AGMO: variants seen among roughly 807,000 people sequenced by gnomAD.
AGMO encodes the protein alkylglycerol monooxygenase, also known as glyceryl-ether monooxygenase.
In AGMO, 75 loss-of-function variants were observed where a neutral mutation model predicts 60.2. The ratio of observed to expected loss-of-function variants is 1.25; its 90% CI spans 1.03 to 1.51. The LOEUF is 1.51. Ranked by LOEUF, AGMO falls within the 40% of genes most tolerant of loss-of-function variation. The probability of loss-of-function intolerance (pLI) is 0.00; values close to 1 mark genes in which losing one functional copy is unlikely to be tolerated. For missense variants in AGMO, 763 were observed against 525.5 expected (o/e 1.45, Z -4.42); for synonymous variants, 261 against 177.1 (o/e 1.47, Z -3.76).
At chr7:15,304,988 A>C (rs919322072) in intron 12 of AGMO, among the ~76,000 whole-genome samples, 1 of 152,024 alleles carries the variant, frequency 6.6e-6, no homozygotes, top group African/African-American at 2.4e-5. Context: ...GCCATCTCAA[A>C]GCAGGATGAG....
Position 15,292,926 on chromosome 7 carries a change from T to G in AGMO, c.1263+72588A>C, listed in dbSNP as rs184545171. Reference sequence around the variant, plus strand: ...GCACCCGCCACCAAATCCAGCTAATTTTTTTTTTGTATTTTTGGTAGAGAT... The same window carrying G: ...GCACCCGCCACCAAATCCAGCTAATGTTTTTTTTGTATTTTTGGTAGAGAT... On this transcript the variant is annotated intron_variant, in intron 12 of 12. Coordinates refer to ENST00000342526, the MANE Select transcript of AGMO (RefSeq NM_001004320.2). 2.3e-3 allele frequency among the ~76,000 whole-genome samples: 342 copies of G among 150,214 alleles called. 1 individual carries two copies. Among genetic ancestry groups the G allele is most frequent in the African/African-American group, 7.8e-3 (319 of 40,960 alleles).
intron 12 of AGMO, among the ~76,000 whole-genome samples, chr7:15,256,574 G>A (rs1438467196): frequency 2.0e-5 from 3 of 152,096 alleles, no homozygotes; most frequent in African/African-American, 7.2e-5. Flanking sequence ...ATATTAGCCA[G>A]GATGGTCTAG....
intron 12 of AGMO, among the ~76,000 whole-genome samples, chr7:15,281,717 A>G (rs1314474624): frequency 1.3e-5 from 2 of 152,164 alleles, no homozygotes; most frequent in African/African-American, 4.8e-5. Context: ...TTGCCACACC[A>G]GTCTCTACCC....
chr7:15,380,390 G>C (rs1271905508), intron 10 of AGMO, among the ~76,000 whole-genome samples: 1 of 151,862 alleles, frequency 6.6e-6, no homozygotes, highest in Non-Finnish European at 1.5e-5. Context: ...AGCAAAATTA[G>C]GAATGAACTC....
chr7:15,549,544 C>T (rs1440841038), intron 2 of AGMO, among the ~76,000 whole-genome samples: 4 of 151,382 alleles, frequency 2.6e-5, no homozygotes, highest in Non-Finnish European at 4.4e-5. Context: ...AGACTTTAAA[C>T]CAACAAAGAT....
At chr7:15,332,646 C>G (rs1380032659) in intron 12 of AGMO, among the ~76,000 whole-genome samples, 3 of 151,862 alleles carry the variant, frequency 2.0e-5, no homozygotes, top group Non-Finnish European at 4.4e-5. Flanking sequence ...ACTGTATATT[C>G]TAAGAATAAT....
chr7:15,358,346 C>T (rs1022684020), intron 12 of AGMO: 1 of 455,192 alleles, frequency 2.2e-6, no homozygotes, highest in African/African-American at 2.0e-5. Flanking sequence ...TGGGTTAATG[C>T]TTTTTCAAAA....
At chr7:15,331,562 C>T (rs1781498957) in intron 12 of AGMO, among the ~76,000 whole-genome samples, 1 of 152,190 alleles carries the variant, frequency 6.6e-6, no homozygotes, top group Non-Finnish European at 1.5e-5. Context: ...CTGCAGCCAA[C>T]ACTATGTGTT....
At chr7:15,487,597 A>G (rs1424855311) in intron 3 of AGMO, among the ~76,000 whole-genome samples, 1 of 152,120 alleles carries the variant, frequency 6.6e-6, no homozygotes, top group Non-Finnish European at 1.5e-5. Flanking sequence ...AAATGTTTCA[A>G]ACTCCCTAAC....
At position 15,481,674 on chromosome 7, in the gene AGMO, A is replaced by C. The variant is rs143259254; in HGVS notation, c.410-50566T>G. On this transcript the variant is annotated intron_variant, in intron 3 of 12. Transcript: ENST00000342526. ...AACTGATAAAAGAAGCAGGCAAAAT[A>C]CTTAATGAGAATATAGAAATTAGAC... Among the ~76,000 whole-genome samples the C allele has an allele frequency of 1.3e-4, 20 of 152,088 alleles. No homozygotes were observed. In the East Asian group the frequency reaches 3.9e-3, roughly 29 times the overall value.
chr7:15,284,421 C>A (rs901692687), intron 12 of AGMO, among the ~76,000 whole-genome samples: 1 of 151,924 alleles, frequency 6.6e-6, no homozygotes, highest in African/African-American at 2.4e-5. Flanking sequence ...TACAAAAGAT[C>A]ATTTGAGACT....
chr7:15,151,277 T>C, the AGMO span, among the ~76,000 whole-genome samples: 4 of 152,142 alleles, frequency 2.6e-5, no homozygotes, highest in South Asian at 2.1e-4. Flanking sequence ...AGAACAAACT[T>C]TTCGTTTCAG....
At chr7:15,549,354 T>C (rs967675683) in intron 2 of AGMO, among the ~76,000 whole-genome samples, 3 of 151,960 alleles carry the variant, frequency 2.0e-5, no homozygotes, top group Non-Finnish European at 4.4e-5. Flanking sequence ...ATGCTCCAGT[T>C]AAAAGACACA....
At chr7:15,549,667 C>G (rs1224473930) in intron 2 of AGMO, among the ~76,000 whole-genome samples, 2 of 149,838 alleles carry the variant, frequency 1.3e-5, no homozygotes, top group African/African-American at 4.9e-5. Flanking sequence ...ATTCATAAAG[C>G]AAGTCCTGAG....
intron 12 of AGMO, among the ~76,000 whole-genome samples, chr7:15,337,027 T>A (rs1168998551): frequency 1.3e-5 from 2 of 152,168 alleles, no homozygotes. Context: ...ACTGTGTATA[T>A]CACAATATCA....
intron 12 of AGMO, among the ~76,000 whole-genome samples, chr7:15,269,135 G>T (rs1347272210): frequency 1.3e-5 from 2 of 152,062 alleles, no homozygotes; most frequent in Admixed American, 6.6e-5. Context: ...AGATAATGCA[G>T]AAATTACTAA....
At chr7:15,511,591 A>G (rs1369819907) in intron 3 of AGMO, among the ~76,000 whole-genome samples, 1 of 152,110 alleles carries the variant, frequency 6.6e-6, no homozygotes, top group Non-Finnish European at 1.5e-5. Flanking sequence ...TAGACAAAGT[A>G]CTGTATTGTA....
chr7:15,532,231 T>G (rs779264420), intron 3 of AGMO, among the ~76,000 whole-genome samples: 14 of 152,216 alleles, frequency 9.2e-5, no homozygotes, highest in Non-Finnish European at 2.1e-4. Flanking sequence ...TATGTCACCA[T>G]GATCTAAAAT....
rs1356657292 is a variant in AGMO at position 15,499,930 on chromosome 7, CACAT to C, written c.409+44838_409+44841del. Among the ~76,000 whole-genome samples, 590 of 78,470 alleles carry C rather than the reference CACAT, an allele frequency of 7.5e-3. 3 individuals are homozygous for C. The highest frequency in any genetic ancestry group is 0.018 in the African/African-American group (550 of 30,406). The allele number at this position is 78,470 out of a possible 152,430, so 51.5% of individuals were successfully genotyped here. On this transcript the variant is annotated intron_variant, in intron 3 of 12. Transcript: ENST00000342526. ...ACGCACACACACACACACACACACA[CACAT>C]ATATATATATAATATATATATTTTT...
Sources: allele counts gnomAD v4.1 joint callset (sites outside exome capture counted in the v4.1 genomes callset), GRCh38; gene constraint gnomAD v4.1.1; transcripts MANE v1.5; gene names NCBI Gene and HGNC (gene_info 2026-07-23, HGNC 2026-07-21).